Variants in CHD7 observed in about 807,000 individuals in gnomAD.
The protein encoded by CHD7 is ATP-dependent chromatin remodeler CHD7.
In CHD7, 24 loss-of-function variants were observed where a neutral mutation model predicts 307.3. The ratio of observed to expected loss-of-function variants is 0.08; its 90% CI spans 0.06 to 0.11. The LOEUF (loss-of-function observed/expected upper bound fraction) is 0.11, where lower values mean the gene tolerates loss of function less well. Among genes scored for constraint, CHD7 ranks in the 10% least tolerant of loss-of-function variants. The pLI, the probability that CHD7 is intolerant of heterozygous loss-of-function variation, is 1.00. For synonymous variants in CHD7, 1,363 were observed against 1,349.9 expected (o/e 1.01, Z -0.21); for missense variants, 3,106 against 3,727.1 (o/e 0.83, Z 4.34).
At chr8:60,828,372 T>C (rs1487548419) in intron 13 of CHD7, among the ~76,000 whole-genome samples, 1 of 152,124 alleles carries the variant, frequency 6.6e-6, no homozygotes, top group Non-Finnish European at 1.5e-5. Context: ...GCATTGAGAC[T>C]TGGGGGACTT....
At chr8:60,755,008 C>T (rs1809820721) in intron 2 of CHD7, among the ~76,000 whole-genome samples, 1 of 152,192 alleles carries the variant, frequency 6.6e-6, no homozygotes, top group East Asian at 1.9e-4. Context: ...GTGTGCTCTC[C>T]AAAACCCTGA....
chr8:60,822,061 G>A lies in CHD7; in HGVS notation c.2873G>A (p.Ser958Asn), dbSNP rs1266832444. 5.0e-6 allele frequency: 8 copies of A among 1,613,878 alleles called. No individual in the cohort carries two copies. The highest frequency in any genetic ancestry group is 6.8e-6 in the Non-Finnish European group (8 of 1,179,822). Residue 958 changes from serine (S) to asparagine (N), a missense_variant, in exon 11 of 38, where the codon AGT becomes AAT. Coordinates refer to ENST00000423902, the MANE Select transcript of CHD7 (RefSeq NM_017780.4). ...PPADDWKKSESSREYKNNNKL... is the reference protein window; with the variant it reads ...PPADDWKKSENSREYKNNNKL... ...GCTGATGATTGGAAGAAATCGGAGA[G>A]TTCCAGGGAGTATAAAAACAATAAC...
intron 31 of CHD7, 149 bp from the exon 32 acceptor site, chr8:60,854,214 G>A: frequency 1.6e-6 from 1 of 617,964 alleles, no homozygotes; most frequent in Admixed American, 3.0e-5. Context: ...GTAAGCTTTA[G>A]ACAACAGTGC....
At chr8:60,692,978 C>G (rs1806276978) in intron 1 of CHD7, among the ~76,000 whole-genome samples, 1 of 152,202 alleles carries the variant, frequency 6.6e-6, no homozygotes, top group Non-Finnish European at 1.5e-5. Context: ...CCGAAGTCAT[C>G]ATAACAACTC....
chr8:60,845,378 T>C lies in CHD7; in HGVS notation c.5179T>C (p.Tyr1727His). ...NPDALFQEDSYKKHLKHHCNK... is the reference protein window; with the variant it reads ...NPDALFQEDSHKKHLKHHCNK... ...AGATGCCCTGTTCCAGGAGGACAGC[T>C]ACAAGAAACACCTGAAGCATCACTG... Residue 1727 changes from tyrosine (Y) to histidine (H), a missense_variant, in exon 23 of 38, where the codon TAC becomes CAC. Physicochemically the swap from Tyr to His is moderately conservative, Grantham distance 83 (BLOSUM62 2). Transcript: ENST00000423902. 6.2e-7 allele frequency: 1 copy of C among 1,613,994 alleles called. No homozygotes were observed.
intron 1 of CHD7, among the ~76,000 whole-genome samples, chr8:60,699,990 C>T (rs1319285509): frequency 3.3e-5 from 5 of 151,972 alleles, no homozygotes; most frequent in African/African-American, 1.2e-4. Context: ...ACCACCATGC[C>T]TGGCTAATTT....
chr8:60,837,587 A>G, intron 17 of CHD7, 81 bp from the exon 18 acceptor site: 1 of 1,231,624 alleles, frequency 8.1e-7, no homozygotes, highest in Non-Finnish European at 1.1e-6. Context: ...CATTGGAATG[A>G]GGGTTTCAGC....
intron 2 of CHD7, among the ~76,000 whole-genome samples, chr8:60,758,460 C>G (rs1232631603): frequency 6.6e-6 from 1 of 152,166 alleles, no homozygotes; most frequent in Non-Finnish European, 1.5e-5. Context: ...GTTGGTATTA[C>G]CACTGACTTC....
intron 27 of CHD7, 61 bp downstream of exon 27, chr8:60,851,165 A>T: frequency 6.8e-7 from 1 of 1,473,408 alleles, no homozygotes; most frequent in Non-Finnish European, 9.3e-7. Flanking sequence ...CCCACATAAG[A>T]CTTGTTAAAC....
At chr8:60,843,071 C>G (rs1051739056) in intron 21 of CHD7, among the ~76,000 whole-genome samples, 3 of 152,184 alleles carry the variant, frequency 2.0e-5, no homozygotes, top group Non-Finnish European at 4.4e-5. Flanking sequence ...GCCTGCACTT[C>G]CCATCACACT....
intron 2 of CHD7, among the ~76,000 whole-genome samples, chr8:60,769,111 C>A (rs1388418776): frequency 6.6e-6 from 1 of 152,152 alleles, no homozygotes; most frequent in Non-Finnish European, 1.5e-5. Context: ...GTAATAGCAT[C>A]TCTGTAGCAT....
chr8:60,755,456 A>C (rs1442125332), intron 2 of CHD7, among the ~76,000 whole-genome samples: 1 of 152,092 alleles, frequency 6.6e-6, no homozygotes, highest in East Asian at 1.9e-4. Flanking sequence ...GTCTTTGCTC[A>C]AATTTAAATA....
At chr8:60,863,624 T>C (rs766574756) in intron 37 of CHD7, 2 of 152,182 alleles carry the variant, frequency 1.3e-5, no homozygotes, top group African/African-American at 2.4e-5. Flanking sequence ...AAAAATACTT[T>C]TACATATATT....
chr8:60,694,793 C>A (rs1324156594), intron 1 of CHD7, among the ~76,000 whole-genome samples: 1 of 152,168 alleles, frequency 6.6e-6, no homozygotes, highest in Non-Finnish European at 1.5e-5. Flanking sequence ...GTTAGCCTGC[C>A]CTGAGGGAGA....
chr8:60,819,890 C>A, intron 8 of CHD7, 117 bp from the exon 9 acceptor site: 1 of 692,708 alleles, frequency 1.4e-6, no homozygotes. Context: ...TAGAATTTGC[C>A]AAATGTAAGT....
At chr8:60,763,046 A>G (rs1223203039) in intron 2 of CHD7, among the ~76,000 whole-genome samples, 1 of 152,144 alleles carries the variant, frequency 6.6e-6, no homozygotes, top group Non-Finnish European at 1.5e-5. Flanking sequence ...TGAGGCCAGC[A>G]AAGAAATGGG....
At position 60,700,793 on chromosome 8, in the gene CHD7, G is replaced by A. The variant is rs138166978; in HGVS notation, c.-175+21711G>A. 2.3e-3 allele frequency among the ~76,000 whole-genome samples: 353 copies of A among 152,334 alleles called. 4 individuals carry two copies. Among genetic ancestry groups the A allele is most frequent in the African/African-American group, 8.1e-3 (337 of 41,574 alleles). On this transcript the variant is annotated intron_variant, in intron 1 of 37. Coordinates refer to ENST00000423902, the MANE Select transcript of CHD7 (RefSeq NM_017780.4). ...CTGTACCATAGTATTTTGGGAAAGC[G>A]ACTTAAGTTCTGAAGAGGGCCCAGT...
chr8:60,679,956 C>A (rs116664805), intron 1 of CHD7, among the ~76,000 whole-genome samples: 1,912 of 151,802 alleles, frequency 0.013, 43 homozygotes, highest in African/African-American at 0.044. Context: ...CCCAAGTGCG[C>A]TAGGAGGAGA....
chr8:60,717,535 G>A (rs139737497), intron 1 of CHD7, among the ~76,000 whole-genome samples: 1 of 152,312 alleles, frequency 6.6e-6, no homozygotes, highest in Non-Finnish European at 1.5e-5. Flanking sequence ...AACTCAGGTG[G>A]TTATGTAGTT....
Sources: gnomAD v4.1 joint callset for allele counts (sites outside exome capture counted in the v4.1 genomes callset) on GRCh38, gnomAD v4.1.1 for gene constraint, MANE v1.5 for transcripts, NCBI Gene and HGNC (gene_info 2026-07-23, HGNC 2026-07-21) for gene names.